CTNNBL1: variants seen among roughly 807,000 people sequenced by gnomAD.
The protein encoded by CTNNBL1 is catenin beta like 1.
In CTNNBL1, 31 loss-of-function variants were observed where a neutral mutation model predicts 72.7. The ratio of observed to expected loss-of-function variants is 0.43; its 90% CI spans 0.32 to 0.58. The LOEUF (loss-of-function observed/expected upper bound fraction) is 0.58, where lower values mean the gene tolerates loss of function less well. Ranked by LOEUF, CTNNBL1 falls within the 20% of genes least tolerant of loss-of-function variation. The pLI, the probability that CTNNBL1 is intolerant of heterozygous loss-of-function variation, is 0.08. For missense variants in CTNNBL1, 534 were observed against 725.1 expected, an observed-to-expected ratio of 0.74 and a Z score of 3.03; for synonymous variants, 240 against 267.3, an observed-to-expected ratio of 0.90 and a Z score of 1.00.
intron 1 of CTNNBL1, among the ~76,000 whole-genome samples, chr20:37,701,015 T>C (rs2072836846): frequency 6.6e-6 from 1 of 152,192 alleles, no homozygotes. Context: ...GTGATAGAAA[T>C]AGTATTAAAG....
At chr20:37,723,732 A>G (rs1357557545) in intron 1 of CTNNBL1, among the ~76,000 whole-genome samples, 1 of 152,232 alleles carries the variant, frequency 6.6e-6, no homozygotes. Context: ...TTGTTTAATC[A>G]TCACAACAAC....
chr20:37,777,600 A>C, intron 8 of CTNNBL1, 54 bp from the exon 9 acceptor site: 2 of 1,562,256 alleles, frequency 1.3e-6, no homozygotes, highest in Non-Finnish European at 1.8e-6. Context: ...AGACGGCTGT[A>C]AAATCTGACA....
chr20:37,707,766 G>A lies in CTNNBL1; in HGVS notation c.30+13614G>A, dbSNP rs542642744. ...CAGGCCTCGCTTTCGGCCCATTGCC[G>A]CTTTCAACATCCTTTCCTCACTAAA... On this transcript the variant is annotated intron_variant, in intron 1 of 15. Transcript: ENST00000361383. 1.2e-4 allele frequency among the ~76,000 whole-genome samples: 18 copies of A among 152,286 alleles called. No homozygotes were observed. The South Asian group carries it at 3.3e-3, about 28-fold the overall frequency.
chr20:37,803,189 A>G (rs572261803), intron 11 of CTNNBL1, 141 bp downstream of exon 11: 172 of 756,244 alleles, frequency 2.3e-4, no homozygotes, highest in Non-Finnish European at 2.3e-4. Flanking sequence ...CTTATTTTTC[A>G]TGAATGAAAA....
chr20:37,782,250 C>T lies in CTNNBL1; in HGVS notation c.1031+2915C>T, dbSNP rs572886780. ...ACTATAATATAATTTAATATGATGA[C>T]GCTTCAGGAGAACAGTTACTTTTGC... On this transcript the variant is annotated intron_variant, in intron 10 of 15. Coordinates refer to ENST00000361383, the MANE Select transcript of CTNNBL1 (RefSeq NM_030877.5). Among the ~76,000 whole-genome samples, 80 of 152,126 alleles carry T rather than the reference C, an allele frequency of 5.3e-4. No individual in the cohort carries two copies. In the South Asian group the frequency reaches 0.013, roughly 25 times the overall value.
chr20:37,740,293 G>A (rs987541840), intron 3 of CTNNBL1, among the ~76,000 whole-genome samples: 8 of 152,076 alleles, frequency 5.3e-5, no homozygotes, highest in Non-Finnish European at 8.8e-5. Context: ...TAATTCTCTA[G>A]ATCAGCGAGG....
At chr20:37,782,941 T>C (rs2073638441) in intron 10 of CTNNBL1, among the ~76,000 whole-genome samples, 1 of 152,216 alleles carries the variant, frequency 6.6e-6, no homozygotes, top group Admixed American at 6.5e-5. Context: ...ATTTAAAATT[T>C]AGTTTCTCAG....
At chr20:37,697,544 T>G (rs184180348) in intron 1 of CTNNBL1, among the ~76,000 whole-genome samples, 71 of 152,306 alleles carry the variant, frequency 4.7e-4, no homozygotes, top group African/African-American at 1.7e-3. Flanking sequence ...GATGTAGGCA[T>G]GTGACAAGAC....
intron 15 of CTNNBL1, among the ~76,000 whole-genome samples, chr20:37,863,415 C>T (rs915167776): frequency 9.2e-5 from 14 of 152,168 alleles, no homozygotes; most frequent in Admixed American, 5.9e-4. Context: ...CTAATTAGAA[C>T]GTGCTAAGCA....
At chr20:37,799,860 C>T (rs1267744100) in intron 10 of CTNNBL1, among the ~76,000 whole-genome samples, 1 of 152,136 alleles carries the variant, frequency 6.6e-6, no homozygotes, top group Non-Finnish European at 1.5e-5. Context: ...GGATGGCCAA[C>T]GCTCTCTCTT....
intron 11 of CTNNBL1, among the ~76,000 whole-genome samples, chr20:37,839,652 A>G (rs1325223448): frequency 6.6e-6 from 1 of 152,218 alleles, no homozygotes; most frequent in Non-Finnish European, 1.5e-5. Flanking sequence ...ATCATATTTC[A>G]TATTTAATTC....
At chr20:37,789,180 G>C (rs1227710056) in intron 10 of CTNNBL1, among the ~76,000 whole-genome samples, 1 of 152,184 alleles carries the variant, frequency 6.6e-6, no homozygotes. Flanking sequence ...ATGAGGTAAG[G>C]GTGGAAGACG....
At chr20:37,748,128 A>G (rs1359096360) in intron 4 of CTNNBL1, among the ~76,000 whole-genome samples, 1 of 152,194 alleles carries the variant, frequency 6.6e-6, no homozygotes, top group Non-Finnish European at 1.5e-5. Flanking sequence ...AGTCTGCTTG[A>G]GTGATATTCA....
chr20:37,780,729 A>T (rs1440865859), intron 10 of CTNNBL1, among the ~76,000 whole-genome samples: 1 of 152,216 alleles, frequency 6.6e-6, no homozygotes, highest in Non-Finnish European at 1.5e-5. Context: ...TTATCCAGGT[A>T]CAGTAAGTCC....
intron 11 of CTNNBL1, among the ~76,000 whole-genome samples, chr20:37,805,466 G>A (rs1386273103): frequency 6.8e-6 from 1 of 147,586 alleles, no homozygotes; most frequent in Admixed American, 6.8e-5. Flanking sequence ...ATGCGATCTC[G>A]GCTCACTGCA....
intron 1 of CTNNBL1, among the ~76,000 whole-genome samples, chr20:37,698,998 A>G (rs768882317): frequency 1.3e-5 from 2 of 152,220 alleles, no homozygotes; most frequent in Non-Finnish European, 1.5e-5. Flanking sequence ...CTGAGCCAAG[A>G]TCATGCCACT....
chr20:37,829,115 AG>A (rs1379344688), intron 11 of CTNNBL1, among the ~76,000 whole-genome samples: 1 of 151,834 alleles, frequency 6.6e-6, no homozygotes, highest in Admixed American at 6.5e-5. Flanking sequence ...TCTGGGGGGC[AG>A]GGGGCAGGTG....
At chr20:37,820,675 G>C (rs2072099301) in intron 11 of CTNNBL1, among the ~76,000 whole-genome samples, 1 of 152,080 alleles carries the variant, frequency 6.6e-6, no homozygotes, top group Non-Finnish European at 1.5e-5. Context: ...CGCTCTCTCT[G>C]TCTCTCCTGC....
chr20:37,794,044 G>C (rs987837052), intron 10 of CTNNBL1, among the ~76,000 whole-genome samples: 1 of 152,162 alleles, frequency 6.6e-6, no homozygotes, highest in Non-Finnish European at 1.5e-5. Context: ...CTCCCAAACT[G>C]CTGGGATTAT....
Sources: gnomAD v4.1 joint callset for allele counts (sites outside exome capture counted in the v4.1 genomes callset) on GRCh38, gnomAD v4.1.1 for gene constraint, MANE v1.5 for transcripts, NCBI Gene and HGNC (gene_info 2026-07-23, HGNC 2026-07-21) for gene names.